PRKCI: variants seen among roughly 807,000 people sequenced by gnomAD.
PRKCI encodes the protein protein kinase C iota.
Under a neutral mutation model 84.0 loss-of-function variants are expected in PRKCI, and 43 were observed. The observed-to-expected ratio is 0.51, with a 90% CI of 0.40 to 0.66. The LOEUF is 0.66. Ranked by LOEUF, PRKCI falls within the 30% of genes least tolerant of loss-of-function variation. PRKCI has a pLI of 0.00. For missense variants in PRKCI, 459 were observed against 745.6 expected, an observed-to-expected ratio of 0.62 and a Z score of 4.48; for synonymous variants, 216 against 234.4, an observed-to-expected ratio of 0.92 and a Z score of 0.72.
intron 4 of PRKCI, among the ~76,000 whole-genome samples, chr3:170,267,013 G>C (rs1400550706): frequency 6.6e-6 from 1 of 152,018 alleles, no homozygotes; most frequent in African/African-American, 2.4e-5. Context: ...GTCACTTTGA[G>C]ACCAGTTAGG....
intron 2 of PRKCI, among the ~76,000 whole-genome samples, chr3:170,240,765 A>T (rs1318819001): frequency 2.6e-5 from 4 of 152,154 alleles, no homozygotes; most frequent in Admixed American, 2.6e-4. Flanking sequence ...AATTGTTGGA[A>T]TTTTATGTTG....
Position 170,222,782 on chromosome 3 carries a change from G to T in PRKCI, c.101+12G>T. The T allele has an allele frequency of 6.2e-7, 1 of 1,603,282 alleles. No individual in the cohort carries two copies. The highest frequency in any genetic ancestry group is 2.3e-5 in the East Asian group (1 of 44,312). On this transcript the variant is annotated intron_variant, in intron 1 of 17. Coordinates refer to ENST00000295797, the MANE Select transcript of PRKCI (RefSeq NM_002740.6). ...GCCTACTACCGCGGGTGAGTGTCCT[G>T]GGACAGGGCGGTGGGCGGGAGGGGA...
At chr3:170,239,733 G>A (rs1290035159) in intron 2 of PRKCI, among the ~76,000 whole-genome samples, 2 of 151,154 alleles carry the variant, frequency 1.3e-5, no homozygotes, top group East Asian at 1.9e-4. Context: ...TCTCTTGTAT[G>A]GTAGAGTGTT....
intron 2 of PRKCI, among the ~76,000 whole-genome samples, chr3:170,243,698 T>A (rs765366882): frequency 6.6e-6 from 1 of 152,212 alleles, no homozygotes; most frequent in Non-Finnish European, 1.5e-5. Context: ...GGAAATTGAT[T>A]CCTTTTAAAA....
chr3:170,246,404 C>T (rs1733286878), intron 2 of PRKCI, among the ~76,000 whole-genome samples: 2 of 152,040 alleles, frequency 1.3e-5, no homozygotes, highest in South Asian at 2.1e-4. Context: ...CCGCCCGCCT[C>T]GGCCTCCTAA....
chr3:170,234,812 A>G (rs1027269984), intron 1 of PRKCI, among the ~76,000 whole-genome samples: 11 of 151,872 alleles, frequency 7.2e-5, no homozygotes, highest in African/African-American at 2.7e-4. Context: ...TTTTGTTTTT[A>G]TTTATTTTTT....
intron 17 of PRKCI, among the ~76,000 whole-genome samples, chr3:170,301,377 C>T (rs1243905845): frequency 6.6e-6 from 1 of 152,226 alleles, no homozygotes; most frequent in African/African-American, 2.4e-5. Flanking sequence ...CACTTATCCC[C>T]TGCCGTTAGA....
intron 1 of PRKCI, among the ~76,000 whole-genome samples, chr3:170,225,048 ATT>A (rs1332354843): frequency 1.3e-5 from 2 of 152,202 alleles, no homozygotes; most frequent in Admixed American, 1.3e-4. Flanking sequence ...TGCTCCAGTT[ATT>A]AAAAAGAAGA....
At chr3:170,225,881 A>T (rs1219630302) in intron 1 of PRKCI, among the ~76,000 whole-genome samples, 2 of 151,606 alleles carry the variant, frequency 1.3e-5, no homozygotes, top group Non-Finnish European at 2.9e-5. Flanking sequence ...AATAACATTT[A>T]ATTTTTTTCT....
intron 2 of PRKCI, among the ~76,000 whole-genome samples, chr3:170,252,215 A>C (rs76207397): frequency 6.7e-6 from 1 of 148,908 alleles, no homozygotes; most frequent in Non-Finnish European, 1.5e-5. Flanking sequence ...CTCCGTCTCA[A>C]AAAAAAAAAA....
chr3:170,281,413 T>G (rs1180246580), intron 10 of PRKCI, 150 bp downstream of exon 10: 8 of 611,812 alleles, frequency 1.3e-5, no homozygotes, highest in Non-Finnish European at 2.3e-5. Context: ...AATACTGCCA[T>G]CAGTGATATC....
intron 2 of PRKCI, among the ~76,000 whole-genome samples, chr3:170,248,619 C>T (rs1733355443): frequency 6.6e-6 from 1 of 152,134 alleles, no homozygotes; most frequent in Admixed American, 6.6e-5. Flanking sequence ...ACAGGTAATA[C>T]TTGAACATTC....
rs142522188 is a variant in PRKCI, at chr3:170,278,717, G to A, written c.706-1510G>A. ...ACCTAAGGCTGGGTAATTTATACAA[G>A]ATTTATTTGGTGCACGGTTCTGCAG... On this transcript the variant is annotated intron_variant, in intron 8 of 17. Coordinates refer to ENST00000295797, the MANE Select transcript of PRKCI (RefSeq NM_002740.6). Among the ~76,000 whole-genome samples, 757 of 152,316 alleles carry A rather than the reference G, an allele frequency of 5.0e-3. 7 individuals carry two copies. Among genetic ancestry groups the A allele is most frequent in the African/African-American group, 0.017 (705 of 41,572 alleles).
At chr3:170,254,481 A>T (rs545881318) in intron 2 of PRKCI, among the ~76,000 whole-genome samples, 6 of 152,234 alleles carry the variant, frequency 3.9e-5, no homozygotes, top group Non-Finnish European at 8.8e-5. Context: ...TGATTTTTGT[A>T]TATGGCGAGA....
intron 1 of PRKCI, among the ~76,000 whole-genome samples, chr3:170,225,311 G>C (rs569870993): frequency 2.0e-5 from 3 of 152,246 alleles, no homozygotes; most frequent in South Asian, 2.1e-4. Context: ...TTATGTGTTT[G>C]TATAGTCTAA....
rs965110273 is a variant in PRKCI, at chr3:170,222,511, G to A, written c.-159G>A. The stretch of plus-strand genomic sequence containing the variant: ...GGAGCCGCGCGGTTCCGGCTGCTCC[G>A]GCGAGGCGACCCTTGGGTCGGCGCT... On this transcript the variant is annotated 5_prime_UTR_variant, in exon 1 of 18. Transcript: ENST00000295797. 3.9e-5 allele frequency: 23 copies of A among 590,000 alleles called. No homozygotes were observed. The highest frequency in any genetic ancestry group is 1.8e-4 in the African/African-American group (9 of 50,928). 36.5% of individuals were successfully genotyped at this position (590,000 alleles called of 1,614,324 possible).
intron 6 of PRKCI, 86 bp from the exon 7 acceptor site, chr3:170,273,200 A>G: frequency 9.2e-7 from 1 of 1,091,748 alleles, no homozygotes; most frequent in South Asian, 1.4e-5. Flanking sequence ...TTAAATTTTA[A>G]TATGCTGTGT....
chr3:170,298,667 A>G (rs1265216754), intron 16 of PRKCI, among the ~76,000 whole-genome samples: 1 of 152,090 alleles, frequency 6.6e-6, no homozygotes, highest in Non-Finnish European at 1.5e-5. Flanking sequence ...TGGCCTCCCA[A>G]AGTGATGGGA....
At chr3:170,275,840 A>G (rs1734100684) in intron 8 of PRKCI, among the ~76,000 whole-genome samples, 1 of 151,874 alleles carries the variant, frequency 6.6e-6, no homozygotes, top group Middle Eastern at 3.2e-3. Flanking sequence ...TATGTCCATA[A>G]TATTTATATT....
Sources: allele counts gnomAD v4.1 joint callset (sites outside exome capture counted in the v4.1 genomes callset), GRCh38; gene constraint gnomAD v4.1.1; transcripts MANE v1.5; gene names NCBI Gene and HGNC (gene_info 2026-07-23, HGNC 2026-07-21).